Variants in RNF150 observed in about 807,000 individuals in gnomAD.
RNF150 encodes ring finger protein 150.
In RNF150, 24 loss-of-function variants were observed where a neutral mutation model predicts 39.3. The ratio of observed to expected loss-of-function variants is 0.61; its 90% CI spans 0.44 to 0.86. The LOEUF is 0.86. Among genes scored for constraint, RNF150 ranks in the 40% least tolerant of loss-of-function variants. The probability of loss-of-function intolerance (pLI) is 0.00; values close to 1 mark genes in which losing one functional copy is unlikely to be tolerated. For missense variants in RNF150, 502 were observed against 587.8 expected (o/e 0.85, Z 1.51); for synonymous variants, 255 against 227.3 (o/e 1.12, Z -1.10).
At chr4:141,171,714 G>T (rs1469617221) in intron 1 of RNF150, among the ~76,000 whole-genome samples, 12 of 152,180 alleles carry the variant, frequency 7.9e-5, no homozygotes, top group Non-Finnish European at 1.3e-4. Context: ...ACATGTGCAT[G>T]TACATATAGC....
chr4:140,888,936 C>A (rs959838328), intron 6 of RNF150, among the ~76,000 whole-genome samples: 1 of 152,202 alleles, frequency 6.6e-6, no homozygotes. Flanking sequence ...CCATTCACTT[C>A]ATACGAAGGA....
At chr4:141,188,813 G>A (rs1728057610) in intron 1 of RNF150, among the ~76,000 whole-genome samples, 1 of 151,914 alleles carries the variant, frequency 6.6e-6, no homozygotes, top group Non-Finnish European at 1.5e-5. Context: ...TCCTTGCTTT[G>A]GGCTAGAAAA....
intron 1 of RNF150, among the ~76,000 whole-genome samples, chr4:141,115,774 G>A (rs1289621031): frequency 6.6e-6 from 1 of 152,114 alleles, no homozygotes; most frequent in Non-Finnish European, 1.5e-5. Flanking sequence ...AAACAGCATG[G>A]TACGGATACC....
chr4:140,957,236 C>T (rs1448284756), intron 2 of RNF150, among the ~76,000 whole-genome samples: 4 of 152,044 alleles, frequency 2.6e-5, no homozygotes, highest in Admixed American at 6.6e-5. Context: ...AAAAAGTGGG[C>T]GAAGGACATG....
intron 1 of RNF150, among the ~76,000 whole-genome samples, chr4:141,183,288 T>TAA (rs528746526): frequency 9.0e-4 from 137 of 152,148 alleles, no homozygotes; most frequent in African/African-American, 3.2e-3. Flanking sequence ...GTTGACTCAG[T>TAA]AGGTATGGTA....
chr4:141,064,280 G>A (rs1246803949), intron 1 of RNF150, among the ~76,000 whole-genome samples: 7 of 152,298 alleles, frequency 4.6e-5, no homozygotes, highest in African/African-American at 1.4e-4. Flanking sequence ...CGTGGACTCC[G>A]TAAGAAAACG....
chr4:141,123,556 A>AT (rs1285418586), intron 1 of RNF150, among the ~76,000 whole-genome samples: 7 of 150,466 alleles, frequency 4.7e-5, no homozygotes, highest in Admixed American at 1.3e-4. Context: ...TAATCATTTT[A>AT]TTTTTTTTAT....
intron 1 of RNF150, among the ~76,000 whole-genome samples, chr4:140,987,521 C>T (rs955428391): frequency 6.6e-6 from 1 of 152,006 alleles, no homozygotes; most frequent in African/African-American, 2.4e-5. Flanking sequence ...GAGGAAACAA[C>T]TCTTTATCAA....
intron 1 of RNF150, among the ~76,000 whole-genome samples, chr4:141,050,264 G>A (rs973156882): frequency 2.6e-5 from 4 of 151,988 alleles, no homozygotes; most frequent in African/African-American, 9.7e-5. Context: ...GGGAATTATG[G>A]GAGTTACAAT....
chr4:141,184,414 A>G (rs1211964515), intron 1 of RNF150, among the ~76,000 whole-genome samples: 3 of 152,160 alleles, frequency 2.0e-5, no homozygotes, highest in Non-Finnish European at 4.4e-5. Flanking sequence ...CCTTTGTCAG[A>G]TGGATAGATT....
intron 1 of RNF150, among the ~76,000 whole-genome samples, chr4:141,092,178 T>C (rs1214919961): frequency 6.6e-6 from 1 of 152,066 alleles, no homozygotes; most frequent in East Asian, 1.9e-4. Flanking sequence ...ACCCTGTCTC[T>C]ATTAAAAATA....
intron 1 of RNF150, among the ~76,000 whole-genome samples, chr4:141,183,378 C>G (rs192010322): frequency 2.4e-4 from 36 of 152,028 alleles, no homozygotes; most frequent in Admixed American, 1.6e-3. Context: ...ATCACTTTCC[C>G]TTGAATGAGA....
At chr4:140,911,461 G>A (rs1730603527) in intron 5 of RNF150, 107 bp from the exon 6 acceptor site, 1 of 876,586 alleles carries the variant, frequency 1.1e-6, no homozygotes, top group Non-Finnish European at 1.7e-6. Context: ...GTTCTTTATT[G>A]TTTACTTCTT....
intron 1 of RNF150, among the ~76,000 whole-genome samples, chr4:141,104,975 T>G (rs555258918): frequency 2.0e-5 from 3 of 152,256 alleles, no homozygotes; most frequent in Non-Finnish European, 4.4e-5. Flanking sequence ...ATTAACCCCA[T>G]CGTGATTTAA....
At position 141,129,893 on chromosome 4, in the gene RNF150, C is replaced by G. The variant is rs138961494; in HGVS notation, c.484+2432G>C. ...AAATACAGACCTTCTCACCTGAAAT[C>G]TATCAGTTCCAAAAATAAAGCATCT... On this transcript the variant is annotated intron_variant, in intron 1 of 6. Transcript: ENST00000515673. 5.8e-3 allele frequency among the ~76,000 whole-genome samples: 886 copies of G among 152,282 alleles called. 4 individuals are homozygous for G. Among genetic ancestry groups the G allele is most frequent in the Non-Finnish European group, 9.2e-3 (625 of 68,016 alleles).
chr4:141,144,278 C>T (rs1417097536), intron 1 of RNF150, among the ~76,000 whole-genome samples: 1 of 152,172 alleles, frequency 6.6e-6, no homozygotes, highest in African/African-American at 2.4e-5. Context: ...GATAAATTTG[C>T]TCAACAGTCA....
intron 4 of RNF150, 47 bp from the exon 5 acceptor site, chr4:140,926,120 T>G: frequency 7.3e-7 from 1 of 1,378,324 alleles, no homozygotes; most frequent in Non-Finnish European, 1.0e-6. Flanking sequence ...CTGCAGAGAA[T>G]ACCTGGTCCA....
At chr4:140,980,806 T>C (rs1279721390) in intron 1 of RNF150, among the ~76,000 whole-genome samples, 1 of 152,180 alleles carries the variant, frequency 6.6e-6, no homozygotes, top group Non-Finnish European at 1.5e-5. Context: ...CTTTCCTTTA[T>C]AAATTACCAG....
In RNF150 at chr4:140,963,267, A is replaced by C. The variant is rs186642749; in HGVS notation, c.735+4356T>G. ...AAAAGGAAGAGATGTCTCCTAAAAC[A>C]TTCCCAAACTTAGACCTCATTAACT... On this transcript the variant is annotated intron_variant, in intron 2 of 6. Transcript: ENST00000515673. 1.9e-3 allele frequency among the ~76,000 whole-genome samples: 282 copies of C among 152,174 alleles called. 1 individual carries two copies. Among genetic ancestry groups the C allele is most frequent in the African/African-American group, 6.6e-3 (275 of 41,562 alleles).
Sources: allele counts gnomAD v4.1 joint callset (sites outside exome capture counted in the v4.1 genomes callset), GRCh38; gene constraint gnomAD v4.1.1; transcripts MANE v1.5; gene names NCBI Gene and HGNC (gene_info 2026-07-23, HGNC 2026-07-21).